OPCML: variants seen among roughly 807,000 people sequenced by gnomAD.
The protein encoded by OPCML is opioid binding protein/cell adhesion molecule like.
A neutral mutation model predicts 37.8 loss-of-function variants in OPCML; 13 were observed. The ratio of observed to expected loss-of-function variants is 0.34; its 90% CI spans 0.22 to 0.55. The LOEUF (loss-of-function observed/expected upper bound fraction) is 0.55. OPCML is among the 20% of genes least tolerant of loss of function. OPCML has a pLI of 0.91. For synonymous variants in OPCML, 176 were observed against 168.8 expected, an observed-to-expected ratio of 1.04 and a Z score of -0.33; for missense variants, 341 against 435.6, an observed-to-expected ratio of 0.78 and a Z score of 1.93.
intron 3 of OPCML, among the ~76,000 whole-genome samples, chr11:132,655,877 T>TC (rs1347797518): frequency 6.6e-6 from 1 of 151,368 alleles, no homozygotes; most frequent in East Asian, 1.9e-4. Flanking sequence ...TTTTTTTTTT[T>TC]TTAAATCAGA....
chr11:132,665,428 C>T (rs1381827114), intron 2 of OPCML, among the ~76,000 whole-genome samples: 1 of 152,142 alleles, frequency 6.6e-6, no homozygotes, highest in Admixed American at 6.5e-5. Context: ...GCAAGTGAGG[C>T]AACTGTGCTG....
chr11:132,777,436 G>A (rs1348442481), intron 2 of OPCML, among the ~76,000 whole-genome samples: 1 of 152,186 alleles, frequency 6.6e-6, no homozygotes, highest in Admixed American at 6.5e-5. Flanking sequence ...TCCTTTATTG[G>A]TAAGGAACTG....
At chr11:132,572,110 C>CTT (rs769748652) in intron 3 of OPCML, among the ~76,000 whole-genome samples, 1 of 138,106 alleles carries the variant, frequency 7.2e-6, no homozygotes, top group African/African-American at 2.6e-5. Context: ...TTAAATCATG[C>CTT]TTTTTTTTTT....
intron 2 of OPCML, among the ~76,000 whole-genome samples, chr11:132,814,284 T>C (rs930181166): frequency 4.6e-5 from 7 of 152,176 alleles, no homozygotes; most frequent in African/African-American, 1.7e-4. Context: ...GAGATAGAGA[T>C]GTATTTATTA....
intron 1 of OPCML, among the ~76,000 whole-genome samples, chr11:133,122,833 T>C (rs1410280928): frequency 1.3e-5 from 2 of 152,320 alleles, no homozygotes; most frequent in Non-Finnish European, 1.5e-5. Flanking sequence ...AATAAAGGCT[T>C]AGCAAAAGTT....
intron 1 of OPCML, among the ~76,000 whole-genome samples, chr11:133,442,914 G>T (rs537153007): frequency 6.6e-6 from 1 of 152,208 alleles, no homozygotes; most frequent in South Asian, 2.1e-4. Flanking sequence ...AAGTGCGTTT[G>T]GTTGGAAAGC....
rs574387347 is a variant in OPCML, at chr11:132,823,353, C to T, written c.146+119573G>A. 2.6e-5 allele frequency among the ~76,000 whole-genome samples: 4 copies of T among 152,272 alleles called. No homozygotes were observed. The South Asian group carries it at 6.2e-4, about 24-fold the overall frequency. On this transcript the variant is annotated intron_variant, in intron 2 of 7. Transcript: ENST00000524381. ...CCACTAATGTATTTAGGAAACTATC[C>T]GCACCTGTCCTCACACCCCTTCCTC...
At chr11:133,110,295 A>G (rs1248642101) in intron 1 of OPCML, among the ~76,000 whole-genome samples, 1 of 152,184 alleles carries the variant, frequency 6.6e-6, no homozygotes, top group African/African-American at 2.4e-5. Flanking sequence ...AGTGGTGACT[A>G]TGGCACTATG....
intron 1 of OPCML, among the ~76,000 whole-genome samples, chr11:133,408,259 A>C (rs1222141498): frequency 1.3e-5 from 2 of 152,256 alleles, no homozygotes; most frequent in African/African-American, 4.8e-5. Flanking sequence ...AAAAACAGTA[A>C]GATAATATTT....
intron 1 of OPCML, chr11:133,422,120 C>T (rs989638008): frequency 3.1e-6 from 3 of 983,324 alleles, no homozygotes; most frequent in South Asian, 9.4e-5. Flanking sequence ...CTCCCCTAGC[C>T]CCCCACCCCC....
chr11:133,168,989 G>T (rs901788586), intron 1 of OPCML, among the ~76,000 whole-genome samples: 1 of 152,244 alleles, frequency 6.6e-6, no homozygotes, highest in South Asian at 2.1e-4. Context: ...AGCTAGCTGG[G>T]TGTGGTGGTG....
At chr11:132,713,651 A>C (rs1048741543) in intron 2 of OPCML, among the ~76,000 whole-genome samples, 2 of 152,230 alleles carry the variant, frequency 1.3e-5, no homozygotes, top group African/African-American at 4.8e-5. Flanking sequence ...TTCGGCCAGA[A>C]ATCTGGAGTT....
chr11:133,458,469 CGTGTGTGTATATACACATATATACACGT>C lies in OPCML; in HGVS notation c.61+73767_61+73794del, dbSNP rs1555161892. Among the ~76,000 whole-genome samples, 79 of 101,866 alleles carry C rather than the reference CGTGTGTGTATATACACATATATACACGT, an allele frequency of 7.8e-4. 5 individuals carry two copies. In the South Asian group the frequency reaches 0.013, roughly 17 times the overall value. The allele number at this position is 101,866 out of a possible 152,430, so 66.8% of individuals were successfully genotyped here. On this transcript the variant is annotated intron_variant, in intron 1 of 7. Coordinates refer to ENST00000524381, the MANE Select transcript of OPCML (RefSeq NM_001012393.5). ...GTGTATATATATACACATATATACA[CGTGTGTGTATATACACATATATACACGT>C]GTGTGTGTATATACACATATATACA...
rs1426622496 is a variant in OPCML at position 132,712,189 on chromosome 11, T to C, written c.147-54870A>G. ...AAATGAGATTGGATGTTGTCGGCAA[T>C]TGATTTGGTAGAGGCGAATGAGAAG... On this transcript the variant is annotated intron_variant, in intron 2 of 7. Transcript: ENST00000524381. Among the ~76,000 whole-genome samples, 3 of 152,236 alleles carry C rather than the reference T, an allele frequency of 2.0e-5. No individual in the cohort carries two copies. In the East Asian group the frequency reaches 5.8e-4, roughly 30 times the overall value.
chr11:133,243,239 G>T (rs1330416772), intron 1 of OPCML, among the ~76,000 whole-genome samples: 1 of 152,162 alleles, frequency 6.6e-6, no homozygotes, highest in Non-Finnish European at 1.5e-5. Context: ...AACCCAGAGG[G>T]TACTCAAAAA....
At chr11:133,056,012 C>T (rs1948231071) in intron 1 of OPCML, among the ~76,000 whole-genome samples, 1 of 152,144 alleles carries the variant, frequency 6.6e-6, no homozygotes, top group Non-Finnish European at 1.5e-5. Context: ...AGTGGTGAGA[C>T]TCCATGAGGG....
At chr11:133,348,350 C>A (rs1464233868) in intron 1 of OPCML, among the ~76,000 whole-genome samples, 1 of 152,198 alleles carries the variant, frequency 6.6e-6, no homozygotes, top group Non-Finnish European at 1.5e-5. Flanking sequence ...CCCCCCAGCA[C>A]CTAATGCAAT....
intron 2 of OPCML, among the ~76,000 whole-genome samples, chr11:132,899,740 G>A (rs1306587436): frequency 6.6e-6 from 1 of 152,084 alleles, no homozygotes; most frequent in Non-Finnish European, 1.5e-5. Flanking sequence ...TGGACTCGGT[G>A]GGGAAGATCT....
intron 1 of OPCML, among the ~76,000 whole-genome samples, chr11:133,193,747 C>A (rs965440474): frequency 6.6e-6 from 1 of 152,024 alleles, no homozygotes; most frequent in Non-Finnish European, 1.5e-5. Context: ...AAAATAAGAA[C>A]CAAAGATTTA....
Sources: allele counts gnomAD v4.1 joint callset (sites outside exome capture counted in the v4.1 genomes callset), GRCh38; gene constraint gnomAD v4.1.1; transcripts MANE v1.5; gene names NCBI Gene and HGNC (gene_info 2026-07-23, HGNC 2026-07-21).